Variants in SNTB1 observed in about 807,000 individuals in gnomAD.
The protein encoded by SNTB1 is syntrophin beta 1.
Under a neutral mutation model 48.9 loss-of-function variants are expected in SNTB1, and 36 were observed. That is an observed-to-expected ratio of 0.74 (90% CI 0.56 to 0.97). The LOEUF is 0.97. SNTB1 is among the 50% of genes least tolerant of loss of function. The probability of loss-of-function intolerance (pLI) is 0.00; values close to 1 mark genes in which losing one functional copy is unlikely to be tolerated. For missense variants in SNTB1, 786 were observed against 703.4 expected, an observed-to-expected ratio of 1.12 and a Z score of -1.33; for synonymous variants, 299 against 294.6, an observed-to-expected ratio of 1.01 and a Z score of -0.15.
chr8:120,690,170 T>C (rs1818101333), intron 2 of SNTB1, among the ~76,000 whole-genome samples: 1 of 152,210 alleles, frequency 6.6e-6, no homozygotes, highest in Admixed American at 6.5e-5. Flanking sequence ...TTTATTAGTA[T>C]TGTTGTTAAT....
At chr8:120,810,578 C>T (rs780237215) in intron 1 of SNTB1, among the ~76,000 whole-genome samples, 11 of 152,212 alleles carry the variant, frequency 7.2e-5, no homozygotes, top group Non-Finnish European at 1.3e-4. Flanking sequence ...CCAGAGGAAC[C>T]TGGAATCCAG....
chr8:120,675,559 G>A (rs1173418019), intron 2 of SNTB1, among the ~76,000 whole-genome samples: 1 of 152,120 alleles, frequency 6.6e-6, no homozygotes, highest in Non-Finnish European at 1.5e-5. Flanking sequence ...GCACTTCCAG[G>A]AACACACATA....
At chr8:120,574,345 G>A (rs1450918586) in intron 4 of SNTB1, among the ~76,000 whole-genome samples, 1 of 152,124 alleles carries the variant, frequency 6.6e-6, no homozygotes, top group Non-Finnish European at 1.5e-5. Flanking sequence ...GTTGCTAAGA[G>A]GGTAGATCTT....
intron 2 of SNTB1, among the ~76,000 whole-genome samples, chr8:120,674,610 G>GT (rs984945243): frequency 5.9e-5 from 9 of 151,836 alleles, no homozygotes; most frequent in Non-Finnish European, 1.0e-4. Flanking sequence ...AATGCGGTTT[G>GT]TTTTTTTTCC....
intron 1 of SNTB1, among the ~76,000 whole-genome samples, chr8:120,738,045 A>G (rs1818978363): frequency 6.6e-6 from 1 of 152,104 alleles, no homozygotes. Flanking sequence ...GCAGTAGGAG[A>G]TGGGGTCCTT....
At chr8:120,737,313 A>G (rs990107877) in intron 1 of SNTB1, among the ~76,000 whole-genome samples, 4 of 152,180 alleles carry the variant, frequency 2.6e-5, no homozygotes, top group African/African-American at 9.7e-5. Flanking sequence ...TAAATTATAT[A>G]CAGCATGAAA....
intron 3 of SNTB1, among the ~76,000 whole-genome samples, chr8:120,610,304 T>C (rs964255405): frequency 2.0e-5 from 3 of 152,150 alleles, no homozygotes. Flanking sequence ...GCCCAGCTAA[T>C]TTTTGTATTT....
At chr8:120,698,880 C>A (rs1206029924) in intron 1 of SNTB1, among the ~76,000 whole-genome samples, 4 of 152,130 alleles carry the variant, frequency 2.6e-5, no homozygotes, top group African/African-American at 9.7e-5. Flanking sequence ...AATTTCTATA[C>A]CTGGCAATCA....
At chr8:120,694,355 A>G (rs1818177104) in intron 1 of SNTB1, among the ~76,000 whole-genome samples, 1 of 152,184 alleles carries the variant, frequency 6.6e-6, no homozygotes, top group Non-Finnish European at 1.5e-5. Flanking sequence ...TTTTCAATTT[A>G]ATAGTGTCAA....
intron 1 of SNTB1, among the ~76,000 whole-genome samples, chr8:120,788,205 C>T (rs570373224): frequency 1.3e-4 from 20 of 152,158 alleles, no homozygotes; most frequent in Non-Finnish European, 2.6e-4. Flanking sequence ...TCTAGACCAG[C>T]CCTACAAGAA....
intron 3 of SNTB1, among the ~76,000 whole-genome samples, chr8:120,606,807 G>A (rs1017403714): frequency 6.6e-6 from 1 of 152,118 alleles, no homozygotes. Context: ...CCAATGTGAA[G>A]CTTAACAAGA....
chr8:120,682,591 T>C (rs1281964328), intron 2 of SNTB1, among the ~76,000 whole-genome samples: 1 of 152,194 alleles, frequency 6.6e-6, no homozygotes, highest in African/African-American at 2.4e-5. Flanking sequence ...GCCCACACTG[T>C]TGAATCTAAG....
intron 4 of SNTB1, among the ~76,000 whole-genome samples, chr8:120,562,647 T>C (rs1158011896): frequency 6.6e-6 from 1 of 152,200 alleles, no homozygotes; most frequent in African/African-American, 2.4e-5. Flanking sequence ...CTCCCAGGGT[T>C]AGCATGGAAA....
intron 4 of SNTB1, among the ~76,000 whole-genome samples, chr8:120,551,626 T>C (rs1291363771): frequency 3.4e-5 from 5 of 146,804 alleles, no homozygotes; most frequent in Non-Finnish European, 7.4e-5. Context: ...CTTGGGAGGC[T>C]GAAGCAGGAG....
At chr8:120,547,349 A>T (rs1230550010) in intron 5 of SNTB1, among the ~76,000 whole-genome samples, 6 of 152,258 alleles carry the variant, frequency 3.9e-5, no homozygotes, top group African/African-American at 1.4e-4. Context: ...TAATCCCAGC[A>T]CTTTGGGAAG....
chr8:120,806,369 C>T (rs1820337375), intron 1 of SNTB1, among the ~76,000 whole-genome samples: 2 of 152,180 alleles, frequency 1.3e-5, no homozygotes, highest in Non-Finnish European at 2.9e-5. Context: ...CATGTGCAGC[C>T]GTGCATTGGT....
chr8:120,563,516 T>C (rs1815698126), intron 4 of SNTB1, among the ~76,000 whole-genome samples: 1 of 152,134 alleles, frequency 6.6e-6, no homozygotes, highest in African/African-American at 2.4e-5. Flanking sequence ...CATCTCTGCA[T>C]GGCAGTCGAC....
intron 2 of SNTB1, among the ~76,000 whole-genome samples, chr8:120,688,120 C>T (rs1366979612): frequency 6.6e-6 from 1 of 152,242 alleles, no homozygotes. Context: ...GAGATGTACA[C>T]TGTTTCCCAA....
intron 4 of SNTB1, among the ~76,000 whole-genome samples, chr8:120,556,530 C>A (rs150209237): frequency 6.6e-6 from 1 of 152,148 alleles, no homozygotes; most frequent in African/African-American, 2.4e-5. Context: ...TGATTATCAA[C>A]AATAATAAGT....
Sources: gnomAD v4.1 joint callset for allele counts (sites outside exome capture counted in the v4.1 genomes callset) on GRCh38, gnomAD v4.1.1 for gene constraint, MANE v1.5 for transcripts, NCBI Gene and HGNC (gene_info 2026-07-23, HGNC 2026-07-21) for gene names.